SGCA: variants seen among roughly 807,000 people sequenced by gnomAD.
The protein encoded by SGCA is sarcoglycan alpha.
SGCA carries 34 observed loss-of-function variants against 38.1 expected under a neutral mutation model. The observed-to-expected ratio is 0.89, with a 90% CI of 0.68 to 1.19. The LOEUF (loss-of-function observed/expected upper bound fraction) is 1.19, where lower values mean the gene tolerates loss of function less well. Ranked by LOEUF, SGCA falls within the 50% of genes most tolerant of loss-of-function variation. SGCA has a pLI of 0.00. For missense variants in SGCA, 476 were observed against 524.9 expected, an observed-to-expected ratio of 0.91 and a Z score of 0.91; for synonymous variants, 209 against 214.6, an observed-to-expected ratio of 0.97 and a Z score of 0.23.
At chr17:50,170,027 C>A in intron 6 of SGCA, 116 bp from the exon 7 acceptor site, 1 of 847,494 alleles carries the variant, frequency 1.2e-6, no homozygotes, top group Non-Finnish European at 1.9e-6. Context: ...AGTGCACTGT[C>A]CCGCCTCTGC....
intron 8 of SGCA, 54 bp from the exon 9 acceptor site, chr17:50,175,203 G>A: frequency 2.0e-6 from 3 of 1,533,906 alleles, no homozygotes; most frequent in Non-Finnish European, 2.6e-6. Flanking sequence ...GTTCCAGGCT[G>A]TACTCCAGGG....
chr17:50,166,729 ACACACACCCTCACACACCCT>A (rs1223742050), intron 1 of SGCA, among the ~76,000 whole-genome samples: 3 of 99,004 alleles, frequency 3.0e-5, no homozygotes, highest in Non-Finnish European at 6.0e-5. Flanking sequence ...ACACACCCTC[ACACACACCCTCACACACCCT>A]CACACACCCT....
At position 50,167,217 on chromosome 17, in the gene SGCA, C is replaced by A. The variant is rs938186898; in HGVS notation, c.38-151C>A. On this transcript the variant is annotated intron_variant, in intron 1 of 9. Transcript: ENST00000262018. This position sits in a 1 kb window ranked among gnomAD's most constrained non-coding sequence, Gnocchi z 4.5. ...TCTAGCCCAGCAGGGCTTGCTCCCCCATCCCCACCCCAATCCCTTCCTGGG... is the reference window on the plus strand; with the variant it reads ...TCTAGCCCAGCAGGGCTTGCTCCCCAATCCCCACCCCAATCCCTTCCTGGG... 3.5e-5 allele frequency: 39 copies of A among 1,102,548 alleles called. No individual in the cohort carries two copies. The highest frequency in any genetic ancestry group is 4.9e-5 in the Non-Finnish European group (38 of 769,358). The allele number at this position is 1,102,548 out of a possible 1,614,324, so 68.3% of individuals were successfully genotyped here.
At chr17:50,168,998 C>A (rs1402909836) in intron 5 of SGCA, 94 bp from the exon 6 acceptor site, 8 of 1,165,248 alleles carry the variant, frequency 6.9e-6, no homozygotes, top group Non-Finnish European at 1.0e-5. Flanking sequence ...CAGGTCATAG[C>A]CTACAATTAG....
At chr17:50,168,271 G>A in intron 4 of SGCA, 103 bp from the exon 5 acceptor site, 1 of 1,017,528 alleles carries the variant, frequency 9.8e-7, no homozygotes, top group South Asian at 1.4e-5. Flanking sequence ...GGCATTGAGG[G>A]GCCTGAAGGG....
At chr17:50,173,290 C>A (rs1905615560) in intron 8 of SGCA, among the ~76,000 whole-genome samples, 1 of 152,216 alleles carries the variant, frequency 6.6e-6, no homozygotes, top group Non-Finnish European at 1.5e-5. Context: ...TCAGCGGTCA[C>A]AGAGTCCTCC....
chr17:50,167,552 A>C lies in SGCA; in HGVS notation c.158-30A>C, dbSNP rs1428009595. On this transcript the variant is annotated intron_variant, in intron 2 of 9. Transcript: ENST00000262018. This position sits in a 1 kb window ranked among gnomAD's most constrained non-coding sequence, Gnocchi z 4.5. The stretch of plus-strand genomic sequence containing the variant: ...TGTACCCCGCAGGGCTCCTGCTGTG[A>C]CTCGAATCCCCTCTCCTCGCTTCCA... 4 of 1,613,624 alleles carry C rather than the reference A, an allele frequency of 2.5e-6. No homozygotes were observed. Among genetic ancestry groups the C allele is most frequent in the South Asian group, 2.2e-5 (2 of 91,070 alleles).
rs1239568145 is a variant in SGCA, at chr17:50,175,779, T to C, written c.*80T>C. ...CACACCACGAGTGGCACATCCCACC[T>C]GCTGATTCCAGCTCCTGGCCCTCCT... On this transcript the variant is annotated 3_prime_UTR_variant, in exon 10 of 10. Transcript: ENST00000262018. The C allele has an allele frequency of 1.9e-6, 1 of 525,738 alleles. No homozygotes were observed. The highest frequency in any genetic ancestry group is 2.2e-5 in the Admixed American group (1 of 44,452). The allele number at this position is 525,738 out of a possible 1,614,324, so 32.6% of individuals were successfully genotyped here.
chr17:50,167,717 G>A lies in SGCA; in HGVS notation c.293G>A (p.Arg98His), dbSNP rs137852621. The change falls in exon 3 of 10, where the codon CGT becomes CAT. Residue 98 changes from arginine (R) to histidine (H), a missense_variant. By Grantham distance (29) the Arg-to-His change is conservative. Coordinates refer to ENST00000262018, the MANE Select transcript of SGCA (RefSeq NM_000023.4). This position sits in a 1 kb window ranked among gnomAD's most constrained non-coding sequence, Gnocchi z 4.5. ...FLYGSATPEDRGLQVIEVTAY... is the reference protein window; with the variant it reads ...FLYGSATPEDHGLQVIEVTAY... ...TACGGCTCTGCCACCCCAGAAGATC[G>A]TGGGCTCCAGGTCATTGAGGTGCCG... is the stretch of plus-strand genomic sequence containing the variant. 2.2e-5 allele frequency: 36 copies of A among 1,611,678 alleles called. No individual in the cohort carries two copies. The highest frequency in any genetic ancestry group is 5.0e-5 in the Admixed American group (3 of 59,902).
rs1251935031 is a variant in SGCA, at chr17:50,170,203, G to A, written c.808G>A (p.Glu270Lys). 6.2e-7 allele frequency: 1 copy of A among 1,614,152 alleles called. No individual in the cohort carries two copies. The highest frequency in any genetic ancestry group is 1.1e-5 in the South Asian group (1 of 91,074). The change falls in exon 7 of 10, where the codon GAG becomes AAG. Residue 270 changes from glutamate to lysine, a missense_variant. Physicochemically the swap from Glu to Lys is moderately conservative, Grantham distance 56. Coordinates refer to ENST00000262018, the MANE Select transcript of SGCA (RefSeq NM_000023.4). The part of the protein sequence containing the change: ...EVPTPGDGIL[E>K]HDPFFCPPTE... ...GCCCACCCCAGGTGATGGGATCCTGGAGCATGACCCGTTCTTCTGCCCACC... is the reference window on the plus strand; with the variant it reads ...GCCCACCCCAGGTGATGGGATCCTGAAGCATGACCCGTTCTTCTGCCCACC...
chr17:50,170,039 G>A, intron 6 of SGCA, 104 bp from the exon 7 acceptor site: 2 of 954,398 alleles, frequency 2.1e-6, no homozygotes, highest in South Asian at 1.4e-5. Flanking sequence ...CGCCTCTGCT[G>A]GACTTTGTGT....
chr17:50,170,776 G>A, intron 8 of SGCA, 110 bp downstream of exon 8: 1 of 907,620 alleles, frequency 1.1e-6, no homozygotes, highest in South Asian at 1.4e-5. Flanking sequence ...ACTCCAGGGT[G>A]ATGCTCACCC....
In SGCA at chr17:50,167,741, C is replaced by T. The variant is rs377006294; in HGVS notation, c.312+5C>T. On this transcript the variant is annotated splice_donor_5th_base_variant and intron_variant, in intron 3 of 9. Coordinates refer to ENST00000262018, the MANE Select transcript of SGCA (RefSeq NM_000023.4). The surrounding 1 kb of genome is among the most constrained non-coding windows in gnomAD (Gnocchi z 4.5). The stretch of plus-strand genomic sequence containing the variant: ...CGTGGGCTCCAGGTCATTGAGGTGC[C>T]GTCAGGGACCCTGAGAAAATCACAG... The T allele has an allele frequency of 4.5e-5, 72 of 1,605,620 alleles. No individual in the cohort carries two copies. Among genetic ancestry groups the T allele is most frequent in the East Asian group, 3.4e-4 (15 of 44,548 alleles).
intron 8 of SGCA, 22 bp from the exon 9 acceptor site, chr17:50,175,235 G>T: frequency 6.3e-7 from 1 of 1,585,480 alleles, no homozygotes; most frequent in South Asian, 1.1e-5. Context: ...CAGAGCTGAT[G>T]ACTCCCCACC....
intron 1 of SGCA, among the ~76,000 whole-genome samples, chr17:50,166,856 CA>C (rs1904896103): frequency 1.0e-5 from 1 of 98,594 alleles, no homozygotes; most frequent in African/African-American, 4.1e-5. Flanking sequence ...ACACACCCCC[CA>C]CACACACCCC....
chr17:50,169,448 C>CT, intron 6 of SGCA, 194 bp downstream of exon 6: 1 of 581,414 alleles, frequency 1.7e-6, no homozygotes. Context: ...CACACACACC[C>CT]CTGAAGTTCT....
In SGCA at chr17:50,167,665, C is replaced by T. The variant is rs398123098; in HGVS notation, c.241C>T (p.Arg81Cys). 11 of 1,613,898 alleles carry T rather than the reference C, an allele frequency of 6.8e-6. No individual in the cohort carries two copies. Among genetic ancestry groups the T allele is most frequent in the South Asian group, 3.3e-5 (3 of 91,082 alleles). The change falls in exon 3 of 10, where the codon CGC (arginine) becomes TGC (cysteine). Residue 81 changes from arginine (R) to cysteine (C), a missense_variant. Transcript: ENST00000262018. The surrounding 1 kb of genome is among the most constrained non-coding windows in gnomAD (Gnocchi z 4.5). ...GCCCCGGTGGCTCCGCTACACCCAG[C>T]GCAGCCCCCACCACCCTGGCTTCCT... ...DLPRWLRYTQ[R>C]SPHHPGFLYG... is the part of the protein sequence containing the mutation.
chr17:50,167,993 T>C lies in SGCA; in HGVS notation c.359T>C (p.Leu120Pro). The change falls in exon 4 of 10, where the codon CTG becomes CCG. Residue 120 changes from leucine to proline, a missense_variant. Leu to Pro is a moderately conservative substitution (Grantham distance 98, BLOSUM62 -3). Transcript: ENST00000262018. This position sits in a 1 kb window ranked among gnomAD's most constrained non-coding sequence, Gnocchi z 4.5. The stretch of plus-strand genomic sequence containing the variant: ...AGCTTTGATACCACTCGGCAGAGGC[T>C]GGTGCTGGAGATTGGGGACCCAGAA... ...RDSFDTTRQR[L>P]VLEIGDPEGP... 4.3e-6 allele frequency: 7 copies of C among 1,614,134 alleles called. No homozygotes were observed. The highest frequency in any genetic ancestry group is 5.9e-6 in the Non-Finnish European group (7 of 1,179,998).
In SGCA at chr17:50,168,421, G is replaced by A. The variant is rs1352386124; in HGVS notation, c.433G>A (p.Ala145Thr). The A allele has an allele frequency of 1.3e-6, 2 of 1,591,566 alleles. No homozygotes were observed. The highest frequency in any genetic ancestry group is 4.5e-5 in the East Asian group (2 of 44,034). ...QAEFLVRSHD[A>T]EEVLPSTPAS... ...CGAGTTCCTGGTGCGCAGCCACGAT[G>A]CGGAGGAGGTGCTGCCCTCAACACC... Residue 145 changes from alanine (A) to threonine (T), a missense_variant, in exon 5 of 10, where the codon GCG becomes ACG. Physicochemically the swap from Ala to Thr is moderately conservative, Grantham distance 58. Transcript: ENST00000262018.
Sources: gnomAD v4.1 joint callset for allele counts (sites outside exome capture counted in the v4.1 genomes callset) on GRCh38, gnomAD v4.1.1 for gene constraint, Gnocchi (gnomAD v3.1) non-coding constraint, MANE v1.5 for transcripts, NCBI Gene and HGNC (gene_info 2026-07-23, HGNC 2026-07-21) for gene names.